Variants in CHPT1 observed in about 807,000 individuals in gnomAD.
The protein encoded by CHPT1 is choline phosphotransferase 1, also known as cholinephosphotransferase 1.
Under a neutral mutation model 47.6 loss-of-function variants are expected in CHPT1, and 36 were observed. The observed-to-expected ratio is 0.76, with a 90% CI of 0.58 to 1.00. The LOEUF is 1.00. CHPT1 is among the 50% of genes least tolerant of loss of function. CHPT1 has a pLI of 0.00. For missense variants in CHPT1, 458 were observed against 498.1 expected (o/e 0.92, Z 0.77); for synonymous variants, 194 against 186.3 (o/e 1.04, Z -0.33).
intron 1 of CHPT1, among the ~76,000 whole-genome samples, chr12:101,711,179 G>C (rs11110974): frequency 0.072 from 10,691 of 148,144 alleles, 1,331 homozygotes; most frequent in Non-Finnish European, 0.1. Context: ...AACAAAAACT[G>C]TAAAACTATA....
intron 1 of CHPT1, among the ~76,000 whole-genome samples, chr12:101,702,706 C>T (rs1022612471): frequency 1.1e-4 from 17 of 151,950 alleles, no homozygotes; most frequent in African/African-American, 3.9e-4. Context: ...CACTCTTTTA[C>T]TCCCACTTTT....
At position 101,697,962 on chromosome 12, in the gene CHPT1, A is replaced by G. The variant is rs763416998; in HGVS notation, c.101A>G (p.Tyr34Cys). ...AQLRRLEEHR[Y>C]SAAGVSLLEP... ...CTGCGGCGACTGGAGGAGCACCGCT[A>G]CAGCGCGGCGGGCGTCTCGCTGCTC... The change falls in exon 1 of 9, where the codon TAC (tyrosine) becomes TGC (cysteine). Residue 34 changes from tyrosine to cysteine, a missense_variant. Tyr to Cys is a radical substitution (Grantham distance 194). Coordinates refer to ENST00000229266, the MANE Select transcript of CHPT1 (RefSeq NM_020244.3). The G allele has an allele frequency of 5.8e-6, 9 of 1,554,394 alleles. No homozygotes were observed. Among genetic ancestry groups the G allele is most frequent in the Admixed American group, 3.6e-5 (2 of 55,018 alleles).
At chr12:101,726,547 G>A (rs1951948493) in intron 8 of CHPT1, 143 bp downstream of exon 8, 9 of 1,210,918 alleles carry the variant, frequency 7.4e-6, no homozygotes, top group Non-Finnish European at 9.7e-6. Context: ...CATAAACCCT[G>A]TAGATTTCAT....
Position 101,723,324 on chromosome 12 carries a change from G to T in CHPT1, c.937G>T (p.Val313Leu). Reference sequence around the variant, plus strand: ...CTTTGCTAAAGTCTCACAAAAATTAGTGGTAAGAAATTTTTATTATTCATG... The same window carrying T: ...CTTTGCTAAAGTCTCACAAAAATTATTGGTAAGAAATTTTTATTATTCATG... ...CVFAKVSQKLVVAHMTKSELY... is the reference protein window; with the variant it reads ...CVFAKVSQKLLVAHMTKSELY... Residue 313 changes from valine to leucine, a missense_variant and splice_region_variant, in exon 6 of 9, where the codon GTG (valine) becomes TTG (leucine). Val to Leu is a conservative substitution (Grantham distance 32). Transcript: ENST00000229266. The T allele has an allele frequency of 6.4e-7, 1 of 1,564,532 alleles. No homozygotes were observed. The highest frequency in any genetic ancestry group is 1.2e-5 in the South Asian group (1 of 85,266).
chr12:101,725,926 A>G (rs1448902826), intron 7 of CHPT1, among the ~76,000 whole-genome samples: 1 of 152,174 alleles, frequency 6.6e-6, no homozygotes, highest in Non-Finnish European at 1.5e-5. Flanking sequence ...AGAAATGTAT[A>G]TGATGGAATT....
chr12:101,714,747 A>G, intron 3 of CHPT1, 102 bp downstream of exon 3: 1 of 1,228,940 alleles, frequency 8.1e-7, no homozygotes, highest in East Asian at 2.6e-5. Context: ...ATCTTCAATC[A>G]GTAACTTAAA....
intron 6 of CHPT1, 27 bp downstream of exon 6, chr12:101,723,353 T>G (rs749840128): frequency 7.6e-7 from 1 of 1,313,252 alleles, no homozygotes; most frequent in South Asian, 1.3e-5. Context: ...ATTCATGATA[T>G]AAATAATATA....
chr12:101,714,697 C>T lies in CHPT1; in HGVS notation c.563+52C>T, dbSNP rs777473838. 12 of 1,530,748 alleles carry T rather than the reference C, an allele frequency of 7.8e-6. No homozygotes were observed. The South Asian group carries it at 1.5e-4, about 19-fold the overall frequency. The allele number at this position is 1,530,748 out of a possible 1,614,324, so 94.8% of individuals were successfully genotyped here. On this transcript the variant is annotated intron_variant, in intron 3 of 8. Transcript: ENST00000229266. ...TAAAAAATATAATTGAATTCATTTG[C>T]ACAATCTGTTATGTCATTCATCGAT...
chr12:101,719,403 AT>A, intron 4 of CHPT1: 1 of 476,086 alleles, frequency 2.1e-6, no homozygotes, highest in Middle Eastern at 4.6e-4. Context: ...TTGGTACATT[AT>A]TTCAGTCTAT....
chr12:101,723,707 T>A lies in CHPT1; in HGVS notation c.940-15T>A. The A allele has an allele frequency of 6.9e-7, 1 of 1,440,850 alleles. No individual in the cohort carries two copies. Among genetic ancestry groups the A allele is most frequent in the Non-Finnish European group, 9.3e-7 (1 of 1,071,066 alleles). The allele number at this position is 1,440,850 out of a possible 1,614,324, so 89.3% of individuals were successfully genotyped here. On this transcript the variant is annotated splice_polypyrimidine_tract_variant and intron_variant, in intron 6 of 8. Coordinates refer to ENST00000229266, the MANE Select transcript of CHPT1 (RefSeq NM_020244.3). ...AAACTTAATAGTAAAATTATTTTGT[T>A]TAATTTTTTTATAGGTAGCTCACAT...
intron 1 of CHPT1, among the ~76,000 whole-genome samples, chr12:101,705,898 G>A (rs547410002): frequency 2.7e-5 from 4 of 150,564 alleles, no homozygotes; most frequent in Non-Finnish European, 5.9e-5. Context: ...GCTAATTTTT[G>A]TATTTTTAGT....
intron 1 of CHPT1, among the ~76,000 whole-genome samples, chr12:101,703,066 C>G (rs1228711683): frequency 1.3e-5 from 2 of 152,186 alleles, no homozygotes; most frequent in African/African-American, 4.8e-5. Context: ...CTTTCAAATT[C>G]TGGTTCAAGT....
At chr12:101,699,524 A>G (rs1007800036) in intron 1 of CHPT1, among the ~76,000 whole-genome samples, 1 of 151,348 alleles carries the variant, frequency 6.6e-6, no homozygotes. Flanking sequence ...AATAGCTGGG[A>G]CTACACGTGC....
rs1051129023 is a variant in CHPT1 at position 101,720,156 on chromosome 12, C to G, written c.682C>G (p.Pro228Ala). The change falls in exon 5 of 9, where the codon CCA (proline) becomes GCA (alanine). Residue 228 changes from proline (P) to alanine (A), a missense_variant. By Grantham distance (27) the Pro-to-Ala change is conservative. Transcript: ENST00000229266. Reference sequence around the variant, plus strand: ...TCTAGAAATAAAATTGAAGATCCTTCCAGTTCTTGGATTTCTAGGTGGAGT... The same window carrying G: ...TCTAGAAATAAAATTGAAGATCCTTGCAGTTCTTGGATTTCTAGGTGGAGT... ...PILEIKLKIL[P>A]VLGFLGGVIF... 5 of 1,596,992 alleles carry G rather than the reference C, an allele frequency of 3.1e-6. No individual in the cohort carries two copies. In the African/African-American group the frequency reaches 6.7e-5, roughly 21 times the overall value.
intron 5 of CHPT1, among the ~76,000 whole-genome samples, chr12:101,722,711 A>T (rs1453592865): frequency 7.1e-5 from 5 of 70,826 alleles, no homozygotes; most frequent in African/African-American, 1.7e-4. Flanking sequence ...AAAAATTAAA[A>T]AAAAAAAAAA....
intron 4 of CHPT1, 41 bp from the exon 5 acceptor site, chr12:101,720,082 A>C: frequency 6.7e-7 from 1 of 1,486,618 alleles, no homozygotes; most frequent in Non-Finnish European, 9.1e-7. Flanking sequence ...AAAAAACCAA[A>C]ATTCTGTTGT....
chr12:101,711,583 A>C (rs1414190242), intron 1 of CHPT1, among the ~76,000 whole-genome samples: 1 of 148,460 alleles, frequency 6.7e-6, no homozygotes, highest in Non-Finnish European at 1.5e-5. Context: ...CAGCTTTGCA[A>C]GATGAGCAGG....
In CHPT1 at chr12:101,716,737, A is replaced by T; in HGVS notation, c.573A>T (p.Val191=). 1 of 1,604,342 alleles carries T rather than the reference A, an allele frequency of 6.2e-7. No individual in the cohort carries two copies. Among genetic ancestry groups the T allele is most frequent in the South Asian group, 1.1e-5 (1 of 89,496 alleles). ...SGMLRFGKVD[V]TEIQIALVIV... ...TGTCCTTCCTCTTTAGAGTGGATGT[A>T]ACTGAAATTCAGATAGCTTTAGTGA... is the stretch of plus-strand genomic sequence containing the variant. Residue 191 remains valine, a synonymous_variant, in exon 4 of 9, where the codon GTA becomes GTT. Transcript: ENST00000229266.
At chr12:101,723,642 A>G in intron 6 of CHPT1, 80 bp from the exon 7 acceptor site, 3 of 909,852 alleles carry the variant, frequency 3.3e-6, no homozygotes, top group East Asian at 2.8e-5. Flanking sequence ...ATACTGAATT[A>G]AAGTTATAAT....
Sources: gnomAD v4.1 joint callset for allele counts (sites outside exome capture counted in the v4.1 genomes callset) on GRCh38, gnomAD v4.1.1 for gene constraint, MANE v1.5 for transcripts, NCBI Gene and HGNC (gene_info 2026-07-23, HGNC 2026-07-21) for gene names.